ROR1: variants seen among roughly 807,000 people sequenced by gnomAD.
ROR1 encodes the protein inactive tyrosine-protein kinase transmembrane receptor ROR1.
A neutral mutation model predicts 78.8 loss-of-function variants in ROR1; 19 were observed. The observed-to-expected ratio is 0.24, with a 90% CI of 0.17 to 0.35. ROR1 has a LOEUF of 0.35. Among genes scored for constraint, ROR1 ranks in the 10% least tolerant of loss-of-function variants. The probability of loss-of-function intolerance (pLI) is 1.00; values close to 1 mark genes in which losing one functional copy is unlikely to be tolerated. For synonymous variants in ROR1, 386 were observed against 433.6 expected (o/e 0.89, Z 1.36); for missense variants, 917 against 1,177.8 (o/e 0.78, Z 3.24).
chr1:63,944,371 C>A (rs748026345), intron 1 of ROR1, among the ~76,000 whole-genome samples: 2 of 152,128 alleles, frequency 1.3e-5, no homozygotes, highest in Non-Finnish European at 2.9e-5. Flanking sequence ...ATTTAGGGTG[C>A]GGAAAGAGAT....
intron 1 of ROR1, among the ~76,000 whole-genome samples, chr1:63,800,088 G>T (rs1240085970): frequency 6.6e-6 from 1 of 152,166 alleles, no homozygotes; most frequent in Non-Finnish European, 1.5e-5. Flanking sequence ...AGGCAGCCAG[G>T]CTCAAAGATG....
intron 1 of ROR1, among the ~76,000 whole-genome samples, chr1:63,902,615 T>C (rs891507498): frequency 6.6e-6 from 1 of 152,112 alleles, no homozygotes; most frequent in Non-Finnish European, 1.5e-5. Context: ...TGAGCCACCG[T>C]TGCCCAGCCA....
chr1:64,045,373 G>A (rs532360749), intron 2 of ROR1, among the ~76,000 whole-genome samples: 101 of 151,920 alleles, frequency 6.6e-4, no homozygotes, highest in African/African-American at 2.2e-3. Context: ...TGGTATACGC[G>A]TGTGGAAAAT....
At chr1:63,982,337 G>A (rs1456843929) in intron 1 of ROR1, among the ~76,000 whole-genome samples, 2 of 152,214 alleles carry the variant, frequency 1.3e-5, no homozygotes, top group African/African-American at 2.4e-5. Context: ...GATCAAATAA[G>A]ACAGTAATTG....
intron 1 of ROR1, among the ~76,000 whole-genome samples, chr1:63,978,111 A>G (rs941374097): frequency 6.6e-6 from 1 of 152,290 alleles, no homozygotes; most frequent in Non-Finnish European, 1.5e-5. Context: ...ACTAGAGGTT[A>G]TCTGGTTAGT....
intron 4 of ROR1, among the ~76,000 whole-genome samples, chr1:64,061,347 C>T (rs1646915953): frequency 6.6e-6 from 1 of 152,120 alleles, no homozygotes; most frequent in Admixed American, 6.5e-5. Context: ...TTACACTTTC[C>T]CTTCCTATAT....
At chr1:64,177,383 C>A (rs1483229782) in intron 8 of ROR1, 45 bp from the exon 9 acceptor site, 1 of 1,460,586 alleles carries the variant, frequency 6.8e-7, no homozygotes, top group Non-Finnish European at 9.3e-7. Flanking sequence ...AGCTGTCTTG[C>A]CTGAAGATAT....
chr1:63,981,490 C>G (rs189873316), intron 1 of ROR1, among the ~76,000 whole-genome samples: 1 of 152,254 alleles, frequency 6.6e-6, no homozygotes, highest in Non-Finnish European at 1.5e-5. Context: ...GTTGTTCTCT[C>G]TTCTTGCCTG....
At position 63,876,645 on chromosome 1, in the gene ROR1, GGTGTGTGTGTGTGTGT is replaced by G. The variant is rs367954652; in HGVS notation, c.91+102159_91+102174del. On this transcript the variant is annotated intron_variant, in intron 1 of 8. Transcript: ENST00000371079. ...TGTATGCATGTGTTTCCACGAAAGG[GGTGTGTGTGTGTGTGT>G]GTGTGTGTGTGTGTGTGTGTGCGCG... Among the ~76,000 whole-genome samples the G allele has an allele frequency of 2.4e-4, 32 of 130,662 alleles. No homozygotes were observed. In the South Asian group the frequency reaches 7.0e-3, roughly 28 times the overall value. 85.7% of individuals were successfully genotyped at this position (130,662 alleles called of 152,430 possible).
At chr1:64,163,967 A>G (rs571238889) in intron 8 of ROR1, among the ~76,000 whole-genome samples, 62 of 152,278 alleles carry the variant, frequency 4.1e-4, no homozygotes, top group African/African-American at 1.4e-3. Flanking sequence ...TAATCCAGTG[A>G]CCTTTGCCAA....
intron 4 of ROR1, among the ~76,000 whole-genome samples, chr1:64,129,499 C>T (rs1380373749): frequency 2.0e-5 from 3 of 152,166 alleles, no homozygotes; most frequent in South Asian, 2.1e-4. Flanking sequence ...CAAGGGGTCT[C>T]TAATAAGAAC....
intron 7 of ROR1, among the ~76,000 whole-genome samples, chr1:64,149,517 C>T (rs1251980233): frequency 6.6e-6 from 1 of 152,078 alleles, no homozygotes; most frequent in African/African-American, 2.4e-5. Context: ...CTCTGAGAGA[C>T]CCTACTGTGC....
At chr1:63,852,223 C>T (rs1645118371) in intron 1 of ROR1, among the ~76,000 whole-genome samples, 1 of 152,234 alleles carries the variant, frequency 6.6e-6, no homozygotes, top group South Asian at 2.1e-4. Flanking sequence ...ATGCACAGCT[C>T]ATCAGTGGTG....
At chr1:63,897,495 G>GA (rs1311295587) in intron 1 of ROR1, among the ~76,000 whole-genome samples, 1 of 152,124 alleles carries the variant, frequency 6.6e-6, no homozygotes, top group Non-Finnish European at 1.5e-5. Flanking sequence ...GCTATGTTCT[G>GA]AAAGTGTTTA....
intron 7 of ROR1, among the ~76,000 whole-genome samples, chr1:64,156,243 G>T (rs913732864): frequency 1.3e-5 from 2 of 152,184 alleles, no homozygotes; most frequent in East Asian, 3.9e-4. Flanking sequence ...CCTACTGAAG[G>T]TCACGTAGAT....
intron 1 of ROR1, among the ~76,000 whole-genome samples, chr1:63,991,009 C>T (rs1321569885): frequency 1.3e-5 from 2 of 152,202 alleles, no homozygotes; most frequent in Non-Finnish European, 2.9e-5. Context: ...ACCTTGAACT[C>T]CTGGGTTCAA....
chr1:63,992,452 C>T (rs1255751381), intron 1 of ROR1, among the ~76,000 whole-genome samples: 14 of 152,062 alleles, frequency 9.2e-5, no homozygotes, highest in Admixed American at 7.2e-4. Context: ...ATGATCCACC[C>T]GCCTTGGCCT....
chr1:63,960,784 CAA>C (rs985912665), intron 1 of ROR1, among the ~76,000 whole-genome samples: 1 of 152,006 alleles, frequency 6.6e-6, no homozygotes, highest in Non-Finnish European at 1.5e-5. Context: ...TAAAAAAATA[CAA>C]AAAGGATTAG....
At chr1:64,044,192 C>T (rs1433404046) in intron 2 of ROR1, among the ~76,000 whole-genome samples, 1 of 152,114 alleles carries the variant, frequency 6.6e-6, no homozygotes, top group East Asian at 1.9e-4. Context: ...CTGAGCTAAC[C>T]CATTTTGTTC....
Sources: allele counts gnomAD v4.1 joint callset (sites outside exome capture counted in the v4.1 genomes callset), GRCh38; gene constraint gnomAD v4.1.1; transcripts MANE v1.5; gene names NCBI Gene and HGNC (gene_info 2026-07-23, HGNC 2026-07-21).